Variants in CDYL2 observed in about 807,000 individuals in gnomAD.
CDYL2 encodes the protein chromodomain Y like 2, also known as chromodomain Y-like protein 2.
A neutral mutation model predicts 49.4 loss-of-function variants in CDYL2; 23 were observed. The ratio of observed to expected loss-of-function variants is 0.47; its 90% CI spans 0.34 to 0.66. The LOEUF is 0.66. Among genes scored for constraint, CDYL2 ranks in the 30% least tolerant of loss-of-function variants. The probability of loss-of-function intolerance (pLI) is 0.01; values close to 1 mark genes in which losing one functional copy is unlikely to be tolerated. For synonymous variants in CDYL2, 360 were observed against 268.8 expected (o/e 1.34, Z -3.32); for missense variants, 678 against 656.4 (o/e 1.03, Z -0.36).
intron 1 of CDYL2, among the ~76,000 whole-genome samples, chr16:80,726,003 T>C (rs1312379718): frequency 6.6e-6 from 1 of 152,230 alleles, no homozygotes; most frequent in African/African-American, 2.4e-5. Flanking sequence ...TTAGAATTTA[T>C]TTAAGCTTCC....
At chr16:80,751,468 G>A (rs1296529596) in intron 1 of CDYL2, among the ~76,000 whole-genome samples, 1 of 152,180 alleles carries the variant, frequency 6.6e-6, no homozygotes, top group East Asian at 1.9e-4. Context: ...AGCAGCACGT[G>A]GCAGCTAAGG....
chr16:80,621,948 G>A (rs1907102072), intron 3 of CDYL2, among the ~76,000 whole-genome samples: 1 of 152,192 alleles, frequency 6.6e-6, no homozygotes, highest in Admixed American at 6.5e-5. Flanking sequence ...CAGGTACCCT[G>A]CTACATGGGT....
chr16:80,633,941 C>T (rs376949914), intron 2 of CDYL2, among the ~76,000 whole-genome samples: 8 of 152,258 alleles, frequency 5.3e-5, no homozygotes, highest in African/African-American at 1.9e-4. Flanking sequence ...AGTCTCCAGC[C>T]TCACACAGGA....
At chr16:80,784,984 GAGTC>G (rs993051517) in intron 1 of CDYL2, among the ~76,000 whole-genome samples, 2 of 152,262 alleles carry the variant, frequency 1.3e-5, no homozygotes, top group African/African-American at 4.8e-5. Flanking sequence ...GAACAAAAAA[GAGTC>G]AGTAAGTTTG....
rs886126464 is a variant in CDYL2 at position 80,650,998 on chromosome 16, T to G, written c.617-17762A>C. 2.0e-5 allele frequency among the ~76,000 whole-genome samples: 3 copies of G among 147,298 alleles called. No individual in the cohort carries two copies. The East Asian group carries it at 6.4e-4, about 32-fold the overall frequency. ...GCGGGGGGCGGGGGAGATGAAGTGG[T>G]TAAGGAGTACAAAAAAATAGAAACA... On this transcript the variant is annotated intron_variant, in intron 2 of 6. Coordinates refer to ENST00000570137, the MANE Select transcript of CDYL2 (RefSeq NM_152342.4).
In CDYL2 at chr16:80,612,800, A is replaced by G. The variant is rs1906661971; in HGVS notation, c.1044T>C (p.Pro348=). Residue 348 remains proline (P), a synonymous_variant, in exon 5 of 7, where the codon CCT becomes CCC. Coordinates refer to ENST00000570137, the MANE Select transcript of CDYL2 (RefSeq NM_152342.4). This position sits in a 1 kb window ranked among gnomAD's most constrained non-coding sequence, Gnocchi z 5.0. The part of the protein sequence containing the change: ...FVKAFIQFKK[P]IVVAINGPAL... ...CCGGCCCATTGATGGCCACCACGAT[A>G]GGCTTCTTAAACTGGATAAAGGCCT... The G allele has an allele frequency of 1.2e-6, 2 of 1,613,690 alleles. No homozygotes were observed. Among genetic ancestry groups the G allele is most frequent in the Non-Finnish European group, 1.7e-6 (2 of 1,179,936 alleles).
chr16:80,800,997 T>C (rs1027971830), intron 1 of CDYL2, among the ~76,000 whole-genome samples: 3 of 152,214 alleles, frequency 2.0e-5, no homozygotes, highest in South Asian at 2.1e-4. Flanking sequence ...AGAGATCATA[T>C]GCTCCATCTA....
At chr16:80,788,168 A>T (rs549632891) in intron 1 of CDYL2, among the ~76,000 whole-genome samples, 2 of 152,354 alleles carry the variant, frequency 1.3e-5, no homozygotes, top group East Asian at 3.9e-4. Context: ...CTGACCAAGA[A>T]ATGTTACCAA....
intron 2 of CDYL2, among the ~76,000 whole-genome samples, chr16:80,654,657 G>C (rs996526269): frequency 2.0e-5 from 3 of 152,178 alleles, no homozygotes; most frequent in African/African-American, 7.2e-5. Flanking sequence ...CCAGGCCTAA[G>C]GCAGGGACCA....
chr16:80,734,376 C>T (rs1168428726), intron 1 of CDYL2, among the ~76,000 whole-genome samples: 1 of 152,116 alleles, frequency 6.6e-6, no homozygotes, highest in Non-Finnish European at 1.5e-5. Context: ...TTTCCATAGG[C>T]ACGAGGTTGA....
At chr16:80,633,773 G>C (rs1028555134) in intron 2 of CDYL2, among the ~76,000 whole-genome samples, 3 of 152,200 alleles carry the variant, frequency 2.0e-5, no homozygotes, top group Non-Finnish European at 4.4e-5. Context: ...ATACCAAGCA[G>C]GCAGTATCCT....
chr16:80,709,239 G>A (rs1242145067), intron 1 of CDYL2, among the ~76,000 whole-genome samples: 1 of 152,086 alleles, frequency 6.6e-6, no homozygotes, highest in Non-Finnish European at 1.5e-5. Context: ...AAAATTAGCT[G>A]GGTGTGGTGG....
At chr16:80,753,188 A>C (rs559462601) in intron 1 of CDYL2, among the ~76,000 whole-genome samples, 83 of 152,324 alleles carry the variant, frequency 5.4e-4, no homozygotes, top group African/African-American at 2.0e-3. Flanking sequence ...ATAAATGGTC[A>C]ATAATTTATT....
Position 80,614,428 on chromosome 16 carries a change from C to T in CDYL2, c.1008-1592G>A, listed in dbSNP as rs1304180453. Among the ~76,000 whole-genome samples the T allele has an allele frequency of 2.6e-5, 4 of 152,318 alleles. No homozygotes were observed. In the East Asian group the frequency reaches 5.8e-4, roughly 22 times the overall value. On this transcript the variant is annotated intron_variant, in intron 4 of 6. Coordinates refer to ENST00000570137, the MANE Select transcript of CDYL2 (RefSeq NM_152342.4). ...GTCTTGGAAGACATTTGCCGAGCCA[C>T]AAGATGGAAGAAGTCTAGGTTCCTG...
intron 2 of CDYL2, among the ~76,000 whole-genome samples, chr16:80,667,731 A>T (rs1030819309): frequency 3.3e-5 from 5 of 152,244 alleles, no homozygotes; most frequent in African/African-American, 1.2e-4. Flanking sequence ...AAGGGGGAAA[A>T]AATTGAAATA....
intron 1 of CDYL2, among the ~76,000 whole-genome samples, chr16:80,715,981 G>A (rs1416347992): frequency 6.6e-6 from 1 of 152,238 alleles, no homozygotes; most frequent in Non-Finnish European, 1.5e-5. Context: ...CCGACCTGTG[G>A]TTACGCCCTT....
intron 1 of CDYL2, among the ~76,000 whole-genome samples, chr16:80,741,102 T>A (rs1306198175): frequency 3.3e-5 from 5 of 150,748 alleles, no homozygotes; most frequent in Admixed American, 3.3e-4. Flanking sequence ...AATAAGGTAG[T>A]AAGTAAGCAT....
intron 1 of CDYL2, among the ~76,000 whole-genome samples, chr16:80,797,093 CCCT>C (rs1907788921): frequency 6.6e-6 from 1 of 152,092 alleles, no homozygotes; most frequent in African/African-American, 2.4e-5. Context: ...ATCACAAGAC[CCCT>C]CCTCATGTTT....
intron 2 of CDYL2, among the ~76,000 whole-genome samples, chr16:80,677,657 T>G (rs1206460824): frequency 6.6e-6 from 1 of 151,722 alleles, no homozygotes; most frequent in Non-Finnish European, 1.5e-5. Flanking sequence ...GAGAATGGCG[T>G]GAACTCAGGA....
Sources: gnomAD v4.1 joint callset for allele counts (sites outside exome capture counted in the v4.1 genomes callset) on GRCh38, gnomAD v4.1.1 for gene constraint, Gnocchi (gnomAD v3.1) non-coding constraint, MANE v1.5 for transcripts, NCBI Gene and HGNC (gene_info 2026-07-23, HGNC 2026-07-21) for gene names.